Variants in LARGE1 observed in about 807,000 individuals in gnomAD.
LARGE1 encodes the protein LARGE xylosyl- and glucuronyltransferase 1, also known as xylosyl- and glucuronyltransferase LARGE1.
A neutral mutation model predicts 87.6 loss-of-function variants in LARGE1; 43 were observed. The observed-to-expected ratio is 0.49, with a 90% CI of 0.38 to 0.63. The LOEUF is 0.63. Among genes scored for constraint, LARGE1 ranks in the 30% least tolerant of loss-of-function variants. The probability of loss-of-function intolerance (pLI) is 0.00; values close to 1 mark genes in which losing one functional copy is unlikely to be tolerated. For missense variants in LARGE1, 802 were observed against 1,000.2 expected (o/e 0.80, Z 2.67); for synonymous variants, 434 against 394.6 (o/e 1.10, Z -1.18).
intron 6 of LARGE1, among the ~76,000 whole-genome samples, chr22:33,465,842 T>C (rs2068585410): frequency 6.6e-6 from 1 of 152,180 alleles, no homozygotes; most frequent in Non-Finnish European, 1.5e-5. Flanking sequence ...CTCCTCTCTC[T>C]CACCAATGGC....
chr22:33,446,793 C>G (rs1029208792), intron 6 of LARGE1, among the ~76,000 whole-genome samples: 1 of 152,152 alleles, frequency 6.6e-6, no homozygotes, highest in African/African-American at 2.4e-5. Context: ...TGTATGACAC[C>G]AGGGCACCAT....
intron 2 of LARGE1, among the ~76,000 whole-genome samples, chr22:33,738,131 CTAA>C (rs1295331386): frequency 6.6e-6 from 1 of 152,122 alleles, no homozygotes; most frequent in Non-Finnish European, 1.5e-5. Flanking sequence ...GTTCTTAGCG[CTAA>C]TGTCATTTTC....
intron 11 of LARGE1, among the ~76,000 whole-genome samples, chr22:33,265,777 C>A (rs1050214681): frequency 3.3e-5 from 5 of 152,188 alleles, no homozygotes; most frequent in African/African-American, 4.8e-5. Flanking sequence ...ATGCCAGACA[C>A]GCTGTTAAGG....
intron 5 of LARGE1, among the ~76,000 whole-genome samples, chr22:33,603,563 A>C (rs917185115): frequency 1.1e-4 from 17 of 152,244 alleles, no homozygotes. Flanking sequence ...ACTGCAGCTG[A>C]GTCCTGAAGT....
At chr22:33,710,742 G>A (rs2082707480) in intron 2 of LARGE1, among the ~76,000 whole-genome samples, 1 of 152,194 alleles carries the variant, frequency 6.6e-6, no homozygotes, top group African/African-American at 2.4e-5. Flanking sequence ...CACAATGGCA[G>A]GTACATCGAT....
intron 1 of LARGE1, among the ~76,000 whole-genome samples, chr22:33,878,335 T>C (rs2064551369): frequency 6.6e-6 from 1 of 151,806 alleles, no homozygotes; most frequent in African/African-American, 2.4e-5. Context: ...AAATACATAT[T>C]GGCCAGGCTG....
At chr22:33,672,034 G>A (rs1891953391) in intron 2 of LARGE1, among the ~76,000 whole-genome samples, 1 of 152,086 alleles carries the variant, frequency 6.6e-6, no homozygotes, top group South Asian at 2.1e-4. Context: ...AGCTACACTT[G>A]CTCTATCAGC....
the LARGE1 span, among the ~76,000 whole-genome samples, chr22:33,106,631 G>T: frequency 2.6e-5 from 4 of 152,100 alleles, no homozygotes; most frequent in Admixed American, 2.0e-4. Context: ...GAGTAGCTGG[G>T]ATTACAGGCA....
At chr22:33,921,418 G>A (rs537676314), upstream of LARGE1, among the ~76,000 whole-genome samples, 4 of 152,332 alleles carry the variant, frequency 2.6e-5, no homozygotes, top group South Asian at 2.1e-4. The surrounding 1 kb of genome is among the most constrained non-coding windows in gnomAD (Gnocchi z 4.1). Context: ...GTGGTAGAGA[G>A]GCTCGCAGGC....
chr22:33,109,358 A>T, the LARGE1 span: 1 of 151,678 alleles, frequency 6.6e-6, no homozygotes, highest in Non-Finnish European at 1.5e-5. Flanking sequence ...TCTGTTGTCC[A>T]GGCAGGAGTG....
intron 7 of LARGE1, among the ~76,000 whole-genome samples, chr22:33,411,653 GCAAA>G (rs959532802): frequency 5.3e-5 from 8 of 152,032 alleles, no homozygotes; most frequent in Non-Finnish European, 1.0e-4. Flanking sequence ...ACTTGCATAA[GCAAA>G]CAAACAAACA....
At chr22:33,331,893 C>T (rs1470974649) in intron 10 of LARGE1, among the ~76,000 whole-genome samples, 1 of 152,152 alleles carries the variant, frequency 6.6e-6, no homozygotes, top group Non-Finnish European at 1.5e-5. Context: ...TCACCTCCTC[C>T]AGGAAGTCTT....
chr22:33,896,898 C>T (rs1411142402), intron 1 of LARGE1, among the ~76,000 whole-genome samples: 1 of 152,222 alleles, frequency 6.6e-6, no homozygotes, highest in Non-Finnish European at 1.5e-5. Flanking sequence ...CAACCCAGCA[C>T]AGAACCTTCC....
chr22:33,825,835 C>T (rs1165509087), intron 1 of LARGE1, among the ~76,000 whole-genome samples: 1 of 152,152 alleles, frequency 6.6e-6, no homozygotes, highest in East Asian at 1.9e-4. Context: ...CTGGAAGCTG[C>T]TACATTCCCC....
chr22:33,326,240 T>C (rs1445526978), intron 10 of LARGE1, among the ~76,000 whole-genome samples: 1 of 152,168 alleles, frequency 6.6e-6, no homozygotes, highest in Non-Finnish European at 1.5e-5. Flanking sequence ...GAAAAAGGCT[T>C]GGTCTCCTCC....
At chr22:33,485,298 C>T (rs554982467) in intron 6 of LARGE1, among the ~76,000 whole-genome samples, 1 of 151,828 alleles carries the variant, frequency 6.6e-6, no homozygotes, top group South Asian at 2.1e-4. Context: ...ACTGCAACCT[C>T]TGCCTCCCAG....
At chr22:33,894,667 G>A (rs1295938909) in intron 1 of LARGE1, among the ~76,000 whole-genome samples, 1 of 151,990 alleles carries the variant, frequency 6.6e-6, no homozygotes, top group Non-Finnish European at 1.5e-5. Context: ...CAGGGCTTTG[G>A]AGTTCTCATC....
At chr22:33,227,115 A>G (rs1314220346) in intron 11 of LARGE1, among the ~76,000 whole-genome samples, 2 of 152,144 alleles carry the variant, frequency 1.3e-5, no homozygotes, top group Non-Finnish European at 2.9e-5. Context: ...ACAGCTACCA[A>G]ATATTAGCTC....
intron 2 of LARGE1, among the ~76,000 whole-genome samples, chr22:33,736,894 A>G (rs1489048346): frequency 6.6e-6 from 1 of 152,232 alleles, no homozygotes; most frequent in Non-Finnish European, 1.5e-5. Flanking sequence ...AAGGAGATAA[A>G]TAACTTGCCA....
Sources: gnomAD v4.1 joint callset for allele counts (sites outside exome capture counted in the v4.1 genomes callset) on GRCh38, gnomAD v4.1.1 for gene constraint, Gnocchi (gnomAD v3.1) non-coding constraint, MANE v1.5 for transcripts, NCBI Gene and HGNC (gene_info 2026-07-23, HGNC 2026-07-21) for gene names.